Variants in RAB3C observed in about 807,000 individuals in gnomAD.
The protein encoded by RAB3C is RAB3C, member RAS oncogene family.
In RAB3C, 17 loss-of-function variants were observed where a neutral mutation model predicts 26.4. The ratio of observed to expected loss-of-function variants is 0.64; its 90% CI spans 0.44 to 0.97. The LOEUF is 0.97. RAB3C is among the 50% of genes least tolerant of loss of function. The probability of loss-of-function intolerance (pLI) is 0.00; values close to 1 mark genes in which losing one functional copy is unlikely to be tolerated. For synonymous variants in RAB3C, 91 were observed against 95.9 expected (o/e 0.95, Z 0.30); for missense variants, 242 against 281.9 (o/e 0.86, Z 1.01).
At chr5:58,621,289 C>T (rs920246064) in intron 2 of RAB3C, among the ~76,000 whole-genome samples, 2 of 152,138 alleles carry the variant, frequency 1.3e-5, no homozygotes, top group African/African-American at 4.8e-5. Flanking sequence ...ATTTGGATCA[C>T]TCTATTCATT....
intron 3 of RAB3C, among the ~76,000 whole-genome samples, chr5:58,746,656 A>T (rs1741409430): frequency 6.6e-6 from 1 of 152,192 alleles, no homozygotes; most frequent in Non-Finnish European, 1.5e-5. Flanking sequence ...AGCAGTATTT[A>T]TTTCATGCTA....
chr5:58,722,271 G>T (rs1740786851), intron 2 of RAB3C, among the ~76,000 whole-genome samples: 1 of 151,680 alleles, frequency 6.6e-6, no homozygotes, highest in African/African-American at 2.4e-5. Flanking sequence ...TGACAGAAAA[G>T]GTCTGGGTCA....
intron 3 of RAB3C, among the ~76,000 whole-genome samples, chr5:58,743,832 C>CCA (rs1199384933): frequency 2.0e-5 from 3 of 152,256 alleles, no homozygotes; most frequent in African/African-American, 7.2e-5. Flanking sequence ...TTTTTGGTCA[C>CCA]ATATTATTGG....
intron 1 of RAB3C, 56 bp downstream of exon 1, chr5:58,583,288 C>T: frequency 1.2e-6 from 2 of 1,610,982 alleles, no homozygotes; most frequent in Non-Finnish European, 1.7e-6. Context: ...TGCTTTTCCC[C>T]TTGCTCCGCG....
chr5:58,597,254 A>ATG (rs1746331826), intron 1 of RAB3C, among the ~76,000 whole-genome samples: 2 of 38 alleles, frequency 0.053, no homozygotes, highest in East Asian at 0.33. Context: ...TATATAATAT[A>ATG]TACTACACAA....
chr5:58,766,719 G>C (rs1741914760), intron 3 of RAB3C, among the ~76,000 whole-genome samples: 1 of 152,174 alleles, frequency 6.6e-6, no homozygotes, highest in Non-Finnish European at 1.5e-5. Flanking sequence ...TAGGTAGATA[G>C]AGCTCAGCTA....
At chr5:58,584,684 AC>A (rs1745974718) in intron 1 of RAB3C, among the ~76,000 whole-genome samples, 1 of 152,198 alleles carries the variant, frequency 6.6e-6, no homozygotes, top group Non-Finnish European at 1.5e-5. Context: ...GTATATTAAA[AC>A]ATGTACATCT....
intron 3 of RAB3C, among the ~76,000 whole-genome samples, chr5:58,764,892 T>G (rs1391240652): frequency 6.6e-6 from 1 of 152,246 alleles, no homozygotes; most frequent in Non-Finnish European, 1.5e-5. Flanking sequence ...TGTTATCTAT[T>G]ATGATCTTTC....
At chr5:58,787,530 TAAG>T (rs1048526136) in intron 3 of RAB3C, among the ~76,000 whole-genome samples, 35 of 152,332 alleles carry the variant, frequency 2.3e-4, no homozygotes, top group African/African-American at 7.5e-4. Context: ...TTTAATTACT[TAAG>T]AAGAATTATG....
chr5:58,714,859 G>A (rs1199582316), intron 2 of RAB3C, among the ~76,000 whole-genome samples: 5 of 151,700 alleles, frequency 3.3e-5, no homozygotes, highest in Non-Finnish European at 7.4e-5. Flanking sequence ...AACATAATCA[G>A]ACCAAATGTC....
At chr5:58,639,859 A>T (rs113065909) in intron 2 of RAB3C, among the ~76,000 whole-genome samples, 65 of 152,342 alleles carry the variant, frequency 4.3e-4, no homozygotes, top group African/African-American at 1.6e-3. Flanking sequence ...TGCTTGGATG[A>T]TATAAAATCA....
At chr5:58,598,641 T>A (rs773126621) in intron 1 of RAB3C, among the ~76,000 whole-genome samples, 2 of 152,122 alleles carry the variant, frequency 1.3e-5, no homozygotes, top group African/African-American at 4.8e-5. Context: ...CTCCTCCTTG[T>A]AGTGTGTCTG....
At chr5:58,850,639 C>T (rs76581360) in intron 4 of RAB3C, among the ~76,000 whole-genome samples, 3,708 of 152,228 alleles carry the variant, frequency 0.024, 157 homozygotes, top group African/African-American at 0.085. Context: ...CACACCAAGC[C>T]TTCTGAGCTT....
chr5:58,775,585 G>A (rs1047903150), intron 3 of RAB3C, among the ~76,000 whole-genome samples: 1 of 152,064 alleles, frequency 6.6e-6, no homozygotes, highest in Non-Finnish European at 1.5e-5. Flanking sequence ...CACATGATAC[G>A]TACCAGGTGA....
intron 3 of RAB3C, among the ~76,000 whole-genome samples, chr5:58,761,396 T>G (rs1339384395): frequency 1.3e-5 from 2 of 152,218 alleles, no homozygotes; most frequent in East Asian, 1.9e-4. Context: ...GCATTTGCTA[T>G]CCCACAAATA....
intron 3 of RAB3C, among the ~76,000 whole-genome samples, chr5:58,753,617 A>G (rs1241227692): frequency 6.6e-6 from 1 of 152,198 alleles, no homozygotes; most frequent in African/African-American, 2.4e-5. Context: ...AAATGCTTGC[A>G]GTTAGTTGCA....
At position 58,798,273 on chromosome 5, in the gene RAB3C, G is replaced by A. The variant is rs62358119; in HGVS notation, c.372-26765G>A. Among the ~76,000 whole-genome samples, 558 of 152,140 alleles carry A rather than the reference G, an allele frequency of 3.7e-3. 2 individuals are homozygous for A. Among genetic ancestry groups the A allele is most frequent in the Non-Finnish European group, 6.5e-3 (444 of 67,998 alleles). On this transcript the variant is annotated intron_variant, in intron 3 of 4. Coordinates refer to ENST00000282878, the MANE Select transcript of RAB3C (RefSeq NM_138453.4). ...ACTATAAGAGGTACAGTCTCAAAGC[G>A]TCATGCCACAGGTTAGTTTTTAATT...
rs762653092 is a variant in RAB3C, at chr5:58,828,901, C to CTTTTTTTTTTTT, written c.496+3749_496+3760dup. On this transcript the variant is annotated intron_variant, in intron 4 of 4. Transcript: ENST00000282878. ...CTATAGCTGGTGTTATTTTACCATG[C>CTTTTTTTTTTTT]TTTTTTTTTTTTTTTTTTTTTGGAT... Among the ~76,000 whole-genome samples the CTTTTTTTTTTTT allele has an allele frequency of 2.5e-5, 3 of 122,446 alleles. 1 individual carries two copies. The highest frequency in any genetic ancestry group is 3.1e-5 in the African/African-American group (1 of 32,678). 80.3% of individuals were successfully genotyped at this position (122,446 alleles called of 152,430 possible). A position where few individuals can be genotyped will look rare whatever the true frequency, so the allele number is the denominator to read the frequency against.
At chr5:58,847,672 G>A (rs537590830) in intron 4 of RAB3C, among the ~76,000 whole-genome samples, 19 of 152,066 alleles carry the variant, frequency 1.2e-4, no homozygotes, top group East Asian at 5.8e-4. Flanking sequence ...AGACTGATTC[G>A]CTTGGATAGA....
Sources: gnomAD v4.1 joint callset for allele counts (sites outside exome capture counted in the v4.1 genomes callset) on GRCh38, gnomAD v4.1.1 for gene constraint, MANE v1.5 for transcripts, NCBI Gene and HGNC (gene_info 2026-07-23, HGNC 2026-07-21) for gene names.